NAV2: variants seen among roughly 807,000 people sequenced by gnomAD.
The protein encoded by NAV2 is helicase, APC down-regulated 1.
Under a neutral mutation model 223.2 loss-of-function variants are expected in NAV2, and 54 were observed. The ratio of observed to expected loss-of-function variants is 0.24; its 90% CI spans 0.19 to 0.30. The LOEUF (loss-of-function observed/expected upper bound fraction) is 0.30. Among genes scored for constraint, NAV2 ranks in the 10% least tolerant of loss-of-function variants. The probability of loss-of-function intolerance (pLI) is 1.00; values close to 1 mark genes in which losing one functional copy is unlikely to be tolerated. For missense variants in NAV2, 2,806 were observed against 3,147.5 expected (o/e 0.89, Z 2.60); for synonymous variants, 1,279 against 1,239.3 (o/e 1.03, Z -0.67).
chr11:19,514,782 G>A (rs987659861), intron 1 of NAV2, among the ~76,000 whole-genome samples: 1 of 152,112 alleles, frequency 6.6e-6, no homozygotes, highest in Non-Finnish European at 1.5e-5. Context: ...CCTTCAAAGA[G>A]GGAAAAGCTT....
At chr11:19,633,037 C>T (rs1340110455) in intron 1 of NAV2, among the ~76,000 whole-genome samples, 2 of 152,184 alleles carry the variant, frequency 1.3e-5, no homozygotes, top group African/African-American at 2.4e-5. Context: ...TCTATTTTGT[C>T]TCTTCCTCTT....
intron 6 of NAV2, among the ~76,000 whole-genome samples, chr11:19,927,688 TAAAACAAAAC>T (rs111622616): frequency 6.6e-5 from 10 of 150,566 alleles, no homozygotes; most frequent in South Asian, 6.4e-4. Context: ...CTACATCTTT[TAAAACAAAAC>T]AAAACAAAAC....
intron 3 of NAV2, among the ~76,000 whole-genome samples, chr11:19,864,355 C>T (rs2061966775): frequency 6.6e-6 from 1 of 152,154 alleles, no homozygotes. Flanking sequence ...CACTGGTATT[C>T]GGAGAAAAAT....
rs567035044 is a variant in NAV2 at position 19,982,481 on chromosome 11, T to C, written c.2646-1644T>C. Reference sequence around the variant, plus strand: ...ATACAATTTGATGGTTTTTAATGTATTCACAGAGTGGTTTTTAAAATGATA... The same window carrying C: ...ATACAATTTGATGGTTTTTAATGTACTCACAGAGTGGTTTTTAAAATGATA... On this transcript the variant is annotated intron_variant, in intron 10 of 37. Coordinates refer to ENST00000349880, the MANE Select transcript of NAV2 (RefSeq NM_145117.5). 8.1e-4 allele frequency among the ~76,000 whole-genome samples: 124 copies of C among 152,332 alleles called. 1 individual carries two copies. The South Asian group carries it at 8.9e-3, about 11-fold the overall frequency.
rs530324526 is a variant in NAV2, at chr11:19,584,896, C to T, written c.75+233869C>T. On this transcript the variant is annotated intron_variant, in intron 1 of 37. Coordinates refer to the NAV2 transcript ENST00000360655. ...GAGTTCTGTAGATGTCTATTGGGTC[C>T]GCTTGGTGCAGAGCTGAGTTCAATT... Among the ~76,000 whole-genome samples, 431 of 152,210 alleles carry T rather than the reference C, an allele frequency of 2.8e-3. 2 individuals are homozygous for T. Among genetic ancestry groups the T allele is most frequent in the African/African-American group, 9.4e-3 (392 of 41,536 alleles).
intron 1 of NAV2, among the ~76,000 whole-genome samples, chr11:19,528,628 T>A (rs1233332945): frequency 6.6e-6 from 1 of 152,104 alleles, no homozygotes; most frequent in Non-Finnish European, 1.5e-5. Context: ...AAACAGTGGT[T>A]CCCATTTTTT....
chr11:19,732,262 A>G (rs1310929312), intron 1 of NAV2, among the ~76,000 whole-genome samples: 1 of 90,172 alleles, frequency 1.1e-5, no homozygotes, highest in Non-Finnish European at 2.2e-5. Context: ...CCGTCTCAAG[A>G]AAAAAAAAAA....
At chr11:19,944,715 T>A (rs2046726594) in intron 8 of NAV2, among the ~76,000 whole-genome samples, 1 of 149,936 alleles carries the variant, frequency 6.7e-6, no homozygotes, top group Non-Finnish European at 1.5e-5. Context: ...TTTCCTTCCT[T>A]CCTTCCTTCC....
At chr11:19,689,504 G>A (rs919519829) in intron 1 of NAV2, among the ~76,000 whole-genome samples, 3 of 152,216 alleles carry the variant, frequency 2.0e-5, no homozygotes, top group African/African-American at 2.4e-5. Flanking sequence ...AGAGGCGTCC[G>A]CCAGGAGGAC....
intron 19 of NAV2, among the ~76,000 whole-genome samples, chr11:20,060,765 T>C (rs1204477140): frequency 6.6e-6 from 1 of 152,228 alleles, no homozygotes; most frequent in African/African-American, 2.4e-5. Flanking sequence ...CGAAGAGAAC[T>C]GCATGGGCAG....
chr11:19,829,867 G>T (rs1406148202), intron 1 of NAV2, among the ~76,000 whole-genome samples: 1 of 152,176 alleles, frequency 6.6e-6, no homozygotes, highest in Non-Finnish European at 1.5e-5. Context: ...GCCCAGAAAA[G>T]TAGAGTCACT....
At chr11:19,959,153 C>T (rs1444221644) in intron 10 of NAV2, among the ~76,000 whole-genome samples, 1 of 152,132 alleles carries the variant, frequency 6.6e-6, no homozygotes, top group Admixed American at 6.6e-5. Context: ...TGTTAGCACC[C>T]ACCCTGTGCT....
intron 6 of NAV2, among the ~76,000 whole-genome samples, chr11:19,910,551 C>T (rs1055436688): frequency 6.6e-6 from 1 of 152,142 alleles, no homozygotes; most frequent in African/African-American, 2.4e-5. Flanking sequence ...TCTGACATAT[C>T]AGCATGTTAA....
At chr11:19,939,582 G>C in intron 7 of NAV2, 79 bp from the exon 8 acceptor site, 1 of 1,021,136 alleles carries the variant, frequency 9.8e-7, no homozygotes. Context: ...GATGGTGAGG[G>C]CTGTGGTTAG....
At chr11:19,552,885 G>A (rs747424102) in intron 1 of NAV2, among the ~76,000 whole-genome samples, 1 of 150,098 alleles carries the variant, frequency 6.7e-6, no homozygotes, top group Non-Finnish European at 1.5e-5. Flanking sequence ...GAGTGTGTGT[G>A]AGTGTGTGTG....
chr11:19,980,315 G>T (rs954687064), intron 10 of NAV2, among the ~76,000 whole-genome samples: 1 of 152,196 alleles, frequency 6.6e-6, no homozygotes, highest in Non-Finnish European at 1.5e-5. Context: ...CAGTAGCTTA[G>T]CAACTGAGGC....
intron 1 of NAV2, among the ~76,000 whole-genome samples, chr11:19,532,398 A>G (rs143686116): frequency 6.6e-6 from 1 of 152,294 alleles, no homozygotes; most frequent in East Asian, 1.9e-4. Flanking sequence ...AAACCCAGAA[A>G]AAAAGTCCAT....
At chr11:19,502,938 G>A (rs1215686512) in intron 1 of NAV2, 1 of 152,204 alleles carries the variant, frequency 6.6e-6, no homozygotes, top group Non-Finnish European at 1.5e-5. Flanking sequence ...GTTAGTTGAA[G>A]TAGGCATGGA....
At chr11:19,617,956 A>G (rs2046847458) in intron 1 of NAV2, among the ~76,000 whole-genome samples, 1 of 151,240 alleles carries the variant, frequency 6.6e-6, no homozygotes, top group African/African-American at 2.4e-5. Flanking sequence ...TGACTCACTC[A>G]CTCTCTCCTT....
Sources: allele counts gnomAD v4.1 joint callset (sites outside exome capture counted in the v4.1 genomes callset), GRCh38; gene constraint gnomAD v4.1.1; transcripts MANE v1.5; gene names NCBI Gene and HGNC (gene_info 2026-07-23, HGNC 2026-07-21).